FMN1: variants seen among roughly 807,000 people sequenced by gnomAD.
FMN1 encodes formin-1.
Under a neutral mutation model 132.4 loss-of-function variants are expected in FMN1, and 110 were observed. The observed-to-expected ratio is 0.83, with a 90% confidence interval of 0.71 to 0.97. FMN1 has a LOEUF of 0.97. FMN1 is among the 50% of genes least tolerant of loss of function. The pLI is 0.00. For synonymous variants in FMN1, 722 were observed against 651.7 expected, an observed-to-expected ratio of 1.11 and a Z score of -1.64; for missense variants, 1,792 against 1,705.3, an observed-to-expected ratio of 1.05 and a Z score of -0.90.
At chr15:33,027,012 G>A (rs1380286462) in intron 6 of FMN1, among the ~76,000 whole-genome samples, 1 of 152,034 alleles carries the variant, frequency 6.6e-6, no homozygotes, top group Non-Finnish European at 1.5e-5. Flanking sequence ...GTGTGGGGGT[G>A]CTGTTTTTAA....
intron 7 of FMN1, 66 bp downstream of exon 7, chr15:33,007,948 T>TTCA: frequency 7.3e-7 from 1 of 1,361,524 alleles, no homozygotes; most frequent in Non-Finnish European, 1.0e-6. Context: ...GAATATTTAC[T>TTCA]TCAGCATAGG....
chr15:32,766,530 A>ACCCCCCCC lies in FMN1; in HGVS notation c.*7772_*7779dup, dbSNP rs55859863. ...GAAATTGAGAAGGCCTAGAATAAGA[A>ACCCCCCCC]CCCCCCCCCCACCCCGCCCAATCTT... On this transcript the variant is annotated 3_prime_UTR_variant, in exon 21 of 21. Transcript: ENST00000616417. The ACCCCCCCC allele has an allele frequency of 1.6e-5, 2 of 122,848 alleles. No individual in the cohort carries two copies. The highest frequency in any genetic ancestry group is 3.1e-5 in the African/African-American group (1 of 32,400). 7.6% of individuals were successfully genotyped at this position (122,848 alleles called of 1,614,324 possible).
rs537038428 is a variant in FMN1 at position 32,908,278 on chromosome 15, G to A, written c.3377+212C>T. The A allele has an allele frequency of 1.2e-4, 56 of 480,080 alleles. 1 individual carries two copies. In the South Asian group the frequency reaches 1.7e-3, roughly 15 times the overall value. The allele number at this position is 480,080 out of a possible 1,614,324, so 29.7% of individuals were successfully genotyped here. A position where few individuals can be genotyped will look rare whatever the true frequency, so the allele number is the denominator to read the frequency against. ...GGGGAGTCTCTTGGGGTGGGGGAGGGGGGTGAGACACACTGTATCCAACAG... is the reference window on the plus strand; with the variant it reads ...GGGGAGTCTCTTGGGGTGGGGGAGGAGGGTGAGACACACTGTATCCAACAG... On this transcript the variant is annotated intron_variant, in intron 12 of 20. Coordinates refer to ENST00000616417, the MANE Select transcript of FMN1 (RefSeq NM_001277313.2).
intron 20 of FMN1, among the ~76,000 whole-genome samples, chr15:32,776,081 A>C (rs190828352): frequency 0.026 from 3,998 of 152,184 alleles, 52 homozygotes; most frequent in Middle Eastern, 0.048. Context: ...AATAACCCCA[A>C]AAAAAAAGTA....
intron 17 of FMN1, among the ~76,000 whole-genome samples, chr15:32,841,885 A>C (rs1477621124): frequency 1.3e-5 from 2 of 152,194 alleles, no homozygotes; most frequent in Non-Finnish European, 2.9e-5. Flanking sequence ...CAGTTTTATA[A>C]ATCTTGATGG....
At chr15:32,989,814 T>A (rs764280044) in intron 7 of FMN1, among the ~76,000 whole-genome samples, 1 of 152,146 alleles carries the variant, frequency 6.6e-6, no homozygotes, top group Non-Finnish European at 1.5e-5. Flanking sequence ...AATTTGGTAA[T>A]CAACTAGATG....
intron 4 of FMN1, among the ~76,000 whole-genome samples, chr15:33,107,621 A>AT (rs2039537082): frequency 6.6e-6 from 1 of 152,106 alleles, no homozygotes; most frequent in Middle Eastern, 3.2e-3. Context: ...AGGCTGTTAA[A>AT]TGGCTGATTT....
At chr15:32,914,492 G>C (rs1221724055) in intron 10 of FMN1, among the ~76,000 whole-genome samples, 4 of 152,300 alleles carry the variant, frequency 2.6e-5, no homozygotes, top group Admixed American at 1.3e-4. Flanking sequence ...AACATAGTTT[G>C]GGGTAAAACC....
chr15:32,819,379 T>C (rs1402630565), intron 17 of FMN1, among the ~76,000 whole-genome samples: 3 of 152,370 alleles, frequency 2.0e-5, no homozygotes, highest in Middle Eastern at 3.4e-3. Context: ...TGGATTTATA[T>C]GGGTCGTTCT....
At chr15:33,067,021 G>T in intron 5 of FMN1, 2 of 1,613,964 alleles carry the variant, frequency 1.2e-6, no homozygotes, top group Non-Finnish European at 1.7e-6. Context: ...CTCCCTCAGC[G>T]GTAGCCCCCT....
At chr15:32,797,903 T>G (rs2057342121) in intron 19 of FMN1, among the ~76,000 whole-genome samples, 1 of 152,170 alleles carries the variant, frequency 6.6e-6, no homozygotes, top group Admixed American at 6.5e-5. Flanking sequence ...ATAAAAATAC[T>G]GAATTATGGA....
intron 6 of FMN1, among the ~76,000 whole-genome samples, chr15:33,037,832 T>C (rs2036256526): frequency 6.6e-6 from 1 of 152,232 alleles, no homozygotes; most frequent in South Asian, 2.1e-4. Flanking sequence ...TTCTGAAAAA[T>C]AACATGCATA....
intron 6 of FMN1, among the ~76,000 whole-genome samples, chr15:33,035,511 C>A (rs2036149145): frequency 6.6e-6 from 1 of 152,152 alleles, no homozygotes; most frequent in African/African-American, 2.4e-5. Context: ...ATGTACACCA[C>A]AGCACTCCCA....
Position 33,116,247 on chromosome 15 carries a change from A to G in FMN1, c.1868-27273T>C, listed in dbSNP as rs1378872013. On this transcript the variant is annotated intron_variant, in intron 4 of 20. Transcript: ENST00000616417. Reference sequence around the variant, plus strand: ...CCTAGTCTAGGAAGCATAATGTTCTACTTTCCTTTATACCTGTTTATAAAA... The same window carrying G: ...CCTAGTCTAGGAAGCATAATGTTCTGCTTTCCTTTATACCTGTTTATAAAA... Among the ~76,000 whole-genome samples the G allele has an allele frequency of 2.7e-5, 4 of 147,660 alleles. No individual in the cohort carries two copies. The Admixed American group carries it at 2.8e-4, about 10-fold the overall frequency.
At chr15:32,898,114 G>C (rs1411129008) in intron 15 of FMN1, among the ~76,000 whole-genome samples, 1 of 152,120 alleles carries the variant, frequency 6.6e-6, no homozygotes, top group Non-Finnish European at 1.5e-5. Flanking sequence ...CAGGCCTATT[G>C]AAAGGCCCTG....
At chr15:33,126,860 A>T (rs1256034751) in intron 4 of FMN1, among the ~76,000 whole-genome samples, 1 of 152,188 alleles carries the variant, frequency 6.6e-6, no homozygotes, top group Non-Finnish European at 1.5e-5. Context: ...TTGGGAAGGA[A>T]AACTGATACC....
At chr15:33,165,492 G>A (rs867652370) in intron 3 of FMN1, among the ~76,000 whole-genome samples, 6 of 152,238 alleles carry the variant, frequency 3.9e-5, no homozygotes, top group Middle Eastern at 3.4e-3. Flanking sequence ...CCGGGTTCAC[G>A]CCATTCTCTT....
chr15:32,782,300 T>C (rs952916464), intron 19 of FMN1, among the ~76,000 whole-genome samples: 6 of 152,328 alleles, frequency 3.9e-5, no homozygotes, highest in South Asian at 2.1e-4. Flanking sequence ...ATGACATGCA[T>C]TGATAACTTT....
intron 3 of FMN1, among the ~76,000 whole-genome samples, chr15:33,173,651 G>C (rs1443039698): frequency 6.6e-6 from 1 of 152,252 alleles, no homozygotes; most frequent in Non-Finnish European, 1.5e-5. Flanking sequence ...GAAATAGGCC[G>C]GGCACGGTGG....
Sources: allele counts gnomAD v4.1 joint callset (sites outside exome capture counted in the v4.1 genomes callset), GRCh38; gene constraint gnomAD v4.1.1; transcripts MANE v1.5; gene names NCBI Gene and HGNC (gene_info 2026-07-23, HGNC 2026-07-21).